Variants in CASR observed in about 807,000 individuals in gnomAD.
The protein encoded by CASR is calcium sensing receptor.
CASR carries 23 observed loss-of-function variants against 69.1 expected under a neutral mutation model. That is an observed-to-expected ratio of 0.33 (90% CI 0.24 to 0.47). CASR has a LOEUF of 0.47. CASR is among the 20% of genes least tolerant of loss of function. The pLI is 1.00. For synonymous variants in CASR, 541 were observed against 544.7 expected, an observed-to-expected ratio of 0.99 and a Z score of 0.10; for missense variants, 924 against 1,356.1, an observed-to-expected ratio of 0.68 and a Z score of 5.00.
chr3:122,286,817 C>T lies in CASR; in HGVS notation c.*1626C>T, dbSNP rs1353388793. 6.6e-6 allele frequency: 1 copy of T among 152,282 alleles called. No homozygotes were observed. Among genetic ancestry groups the T allele is most frequent in the Non-Finnish European group, 1.5e-5 (1 of 68,066 alleles). The allele number at this position is 152,282 out of a possible 1,614,324, so 9.4% of individuals were successfully genotyped here. A position where few individuals can be genotyped will look rare whatever the true frequency, so the allele number is the denominator to read the frequency against. On this transcript the variant is annotated 3_prime_UTR_variant, in exon 7 of 7. Transcript: ENST00000639785. ...AGGCCAAACCATTGCAATTAAATCTCCTGAAGCCTCAAATTTTACAGCTCT... is the reference window on the plus strand; with the variant it reads ...AGGCCAAACCATTGCAATTAAATCTTCTGAAGCCTCAAATTTTACAGCTCT...
chr3:122,226,215 G>A (rs1368586240), intron 1 of CASR, among the ~76,000 whole-genome samples: 1 of 152,128 alleles, frequency 6.6e-6, no homozygotes, highest in Non-Finnish European at 1.5e-5. Context: ...CTGATGTTCG[G>A]ATGTGTTCGG....
intron 1 of CASR, among the ~76,000 whole-genome samples, chr3:122,200,318 A>C (rs896200973): frequency 6.6e-6 from 1 of 152,244 alleles, no homozygotes; most frequent in Non-Finnish European, 1.5e-5. Flanking sequence ...GTATTGAAAT[A>C]TCACACAGTA....
At chr3:122,192,988 C>G (rs528482338) in intron 1 of CASR, among the ~76,000 whole-genome samples, 1 of 152,142 alleles carries the variant, frequency 6.6e-6, no homozygotes, top group Non-Finnish European at 1.5e-5. Flanking sequence ...TATGCTCAGT[C>G]AAGTTAAAAT....
intron 1 of CASR, among the ~76,000 whole-genome samples, chr3:122,230,271 C>T (rs2074266246): frequency 6.6e-6 from 1 of 152,248 alleles, no homozygotes; most frequent in Non-Finnish European, 1.5e-5. Flanking sequence ...GCGATGACGC[C>T]TCGCGGTGAG....
chr3:122,198,170 G>A (rs568114932), intron 1 of CASR, among the ~76,000 whole-genome samples: 24 of 152,246 alleles, frequency 1.6e-4, no homozygotes, highest in Non-Finnish European at 3.2e-4. Context: ...TCTCCATAAA[G>A]AGCAAATTAT....
intron 1 of CASR, among the ~76,000 whole-genome samples, chr3:122,253,504 T>G (rs1044022375): frequency 2.6e-5 from 4 of 152,216 alleles, no homozygotes; most frequent in African/African-American, 7.2e-5. Flanking sequence ...CAGCTCCCCA[T>G]AGTGCTAGGA....
chr3:122,261,260 C>A (rs1559958596), intron 3 of CASR, among the ~76,000 whole-genome samples: 1 of 152,166 alleles, frequency 6.6e-6, no homozygotes, highest in Admixed American at 6.5e-5. Context: ...ATGGCCAGAC[C>A]CAGTTTTGAA....
At chr3:122,260,857 G>A (rs6768471) in intron 3 of CASR, among the ~76,000 whole-genome samples, 42,002 of 152,118 alleles carry the variant, frequency 0.28, 6,541 homozygotes, top group Non-Finnish European at 0.36. Flanking sequence ...AAAAGAAACA[G>A]TTCTCAGAAA....
chr3:122,244,284 A>C (rs4677903), intron 1 of CASR, among the ~76,000 whole-genome samples: 24,999 of 152,056 alleles, frequency 0.16, 2,139 homozygotes, highest in Non-Finnish European at 0.18. Flanking sequence ...AAAATATCTC[A>C]GGTACCCCAG....
At chr3:122,277,345 C>A (rs1237553033) in intron 5 of CASR, among the ~76,000 whole-genome samples, 1 of 152,030 alleles carries the variant, frequency 6.6e-6, no homozygotes, top group Non-Finnish European at 1.5e-5. Context: ...CCATGCCCAG[C>A]CATCTTGGAC....
At chr3:122,200,994 C>CTTTTTTTTTTTTTT (rs67815991) in intron 1 of CASR, among the ~76,000 whole-genome samples, 1 of 81,592 alleles carries the variant, frequency 1.2e-5, no homozygotes, top group African/African-American at 5.1e-5. Flanking sequence ...CATTGCTTTT[C>CTTTTTTTTTTTTTT]TTTTTTTTTT....
intron 3 of CASR, among the ~76,000 whole-genome samples, chr3:122,261,088 A>G (rs2074615955): frequency 6.6e-6 from 1 of 152,248 alleles, no homozygotes; most frequent in Non-Finnish European, 1.5e-5. Flanking sequence ...AAGGGAAGTT[A>G]AACTCTTCAG....
intron 5 of CASR, among the ~76,000 whole-genome samples, chr3:122,277,096 T>C (rs910673034): frequency 6.7e-6 from 1 of 149,288 alleles, no homozygotes; most frequent in Admixed American, 6.8e-5. Context: ...TTGCCTAGGC[T>C]GGAGTGCAGT....
intron 1 of CASR, among the ~76,000 whole-genome samples, chr3:122,252,374 G>A (rs1428717078): frequency 3.1e-4 from 9 of 29,144 alleles, no homozygotes; most frequent in African/African-American, 4.3e-4. Flanking sequence ...AAGGAAGGAA[G>A]GAAGGAAGGA....
chr3:122,209,943 A>G (rs2074045727), intron 1 of CASR, among the ~76,000 whole-genome samples: 1 of 152,186 alleles, frequency 6.6e-6, no homozygotes, highest in African/African-American at 2.4e-5. Flanking sequence ...TTACACAAAT[A>G]AATCAATGTA....
intron 1 of CASR, among the ~76,000 whole-genome samples, chr3:122,212,841 C>A (rs2074082391): frequency 6.6e-6 from 1 of 152,056 alleles, no homozygotes; most frequent in Admixed American, 6.6e-5. Flanking sequence ...GGGGTTTCTC[C>A]ATGTTGGTCA....
At chr3:122,268,793 A>G (rs999446460) in intron 4 of CASR, among the ~76,000 whole-genome samples, 2 of 152,240 alleles carry the variant, frequency 1.3e-5, no homozygotes, top group African/African-American at 2.4e-5. Flanking sequence ...GTAACACAGT[A>G]CCTAGATACA....
chr3:122,240,616 A>C (rs2074370644), intron 1 of CASR, among the ~76,000 whole-genome samples: 1 of 152,186 alleles, frequency 6.6e-6, no homozygotes, highest in African/African-American at 2.4e-5. Flanking sequence ...TCAGCATTGG[A>C]CTGATCTTCC....
Position 122,285,365 on chromosome 3 carries a change from T to A in CASR, c.*174T>A. ...ACAGTGAATTGACCCATGTTCCCTTTAAAATTAAAAAAAAGAAGAGCCTTG... is the reference window on the plus strand; with the variant it reads ...ACAGTGAATTGACCCATGTTCCCTTAAAAATTAAAAAAAAGAAGAGCCTTG... On this transcript the variant is annotated 3_prime_UTR_variant, in exon 7 of 7. Coordinates refer to ENST00000639785, the MANE Select transcript of CASR (RefSeq NM_000388.4). The A allele has an allele frequency of 1.7e-6, 1 of 586,620 alleles. No homozygotes were observed. Among genetic ancestry groups the A allele is most frequent in the Non-Finnish European group, 3.0e-6 (1 of 335,602 alleles). The allele number at this position is 586,620 out of a possible 1,614,324, so 36.3% of individuals were successfully genotyped here.
Sources: allele counts gnomAD v4.1 joint callset (sites outside exome capture counted in the v4.1 genomes callset), GRCh38; gene constraint gnomAD v4.1.1; transcripts MANE v1.5; gene names NCBI Gene and HGNC (gene_info 2026-07-23, HGNC 2026-07-21).